LPAR3: variants seen among roughly 807,000 people sequenced by gnomAD.
The protein encoded by LPAR3 is LPA receptor 3.
Under a neutral mutation model 17.8 loss-of-function variants are expected in LPAR3, and 7 were observed. The observed-to-expected ratio is 0.39, with a 90% CI of 0.22 to 0.74. The LOEUF (loss-of-function observed/expected upper bound fraction) is 0.74, where lower values mean the gene tolerates loss of function less well. Among genes scored for constraint, LPAR3 ranks in the 30% least tolerant of loss-of-function variants. LPAR3 has a pLI of 0.40. For synonymous variants in LPAR3, 179 were observed against 179.9 expected, an observed-to-expected ratio of 0.99 and a Z score of 0.04; for missense variants, 391 against 453.4, an observed-to-expected ratio of 0.86 and a Z score of 1.25.
chr1:84,829,297 A>G (rs943981102), intron 2 of LPAR3, among the ~76,000 whole-genome samples: 2 of 151,122 alleles, frequency 1.3e-5, no homozygotes, highest in Non-Finnish European at 2.9e-5. Context: ...ACTTCCATGT[A>G]TAAGGTGCTG....
chr1:84,852,815 G>C (rs1659744791), intron 2 of LPAR3, among the ~76,000 whole-genome samples: 1 of 152,126 alleles, frequency 6.6e-6, no homozygotes, highest in Non-Finnish European at 1.5e-5. Flanking sequence ...GAAGCAAGCA[G>C]GCACATAACA....
At chr1:84,877,156 G>T (rs565537606) in intron 1 of LPAR3, among the ~76,000 whole-genome samples, 14 of 152,336 alleles carry the variant, frequency 9.2e-5, no homozygotes, top group East Asian at 3.9e-4. Context: ...AGAGAAGGAA[G>T]AAATAGACTT....
chr1:84,815,909 T>C (rs867836275), intron 2 of LPAR3, among the ~76,000 whole-genome samples: 56 of 152,228 alleles, frequency 3.7e-4, no homozygotes, highest in African/African-American at 1.2e-3. Context: ...CTCCACCTTG[T>C]ATTATTATTT....
intron 1 of LPAR3, among the ~76,000 whole-genome samples, chr1:84,892,238 TAAATAAATAAATAAATAAATAAAA>T (rs1199226359): frequency 6.8e-6 from 1 of 147,700 alleles, no homozygotes. Flanking sequence ...AATAAATAAA[TAAATAAATAAATAAATAAATAAAA>T]ACTAACCTAC....
At chr1:84,846,691 T>C (rs1335451462) in intron 2 of LPAR3, among the ~76,000 whole-genome samples, 1 of 152,126 alleles carries the variant, frequency 6.6e-6, no homozygotes, top group Non-Finnish European at 1.5e-5. Flanking sequence ...GATCACACCA[T>C]TAAATTGCTT....
At chr1:84,884,083 T>C (rs1660414049) in intron 1 of LPAR3, among the ~76,000 whole-genome samples, 1 of 152,232 alleles carries the variant, frequency 6.6e-6, no homozygotes, top group Non-Finnish European at 1.5e-5. Flanking sequence ...TTGGAAATGT[T>C]ATTACTTCTT....
At chr1:84,851,441 C>T (rs2102759081) in intron 2 of LPAR3, among the ~76,000 whole-genome samples, 1 of 152,174 alleles carries the variant, frequency 6.6e-6, no homozygotes, top group African/African-American at 2.4e-5. Context: ...AGGCACTGTA[C>T]AAGTGAAAAC....
intron 2 of LPAR3, among the ~76,000 whole-genome samples, chr1:84,849,151 C>A (rs1354229748): frequency 6.6e-6 from 1 of 151,744 alleles, no homozygotes; most frequent in African/African-American, 2.4e-5. Flanking sequence ...CTGAGGCGGG[C>A]GGATCACGAG....
chr1:84,839,607 G>A (rs560200352), intron 2 of LPAR3, among the ~76,000 whole-genome samples: 1 of 152,186 alleles, frequency 6.6e-6, no homozygotes, highest in African/African-American at 2.4e-5. Context: ...GTAGTTCAAG[G>A]TTACAGTGAG....
chr1:84,870,158 A>G (rs1462138929), intron 1 of LPAR3, among the ~76,000 whole-genome samples: 1 of 152,240 alleles, frequency 6.6e-6, no homozygotes, highest in Non-Finnish European at 1.5e-5. Flanking sequence ...CAAATTAATC[A>G]GTTACTTCAG....
intron 2 of LPAR3, among the ~76,000 whole-genome samples, chr1:84,857,314 T>C (rs558447874): frequency 4.6e-5 from 7 of 152,324 alleles, no homozygotes; most frequent in Non-Finnish European, 7.3e-5. Context: ...AGGTGCTTTA[T>C]GTGTATTAAC....
At chr1:84,816,542 T>G (rs1396928052) in intron 2 of LPAR3, among the ~76,000 whole-genome samples, 3 of 152,184 alleles carry the variant, frequency 2.0e-5, no homozygotes, top group African/African-American at 7.2e-5. Flanking sequence ...CTCACATCTA[T>G]AATTCCAGCA....
chr1:84,840,147 C>T (rs1008822787), intron 2 of LPAR3, among the ~76,000 whole-genome samples: 2 of 152,198 alleles, frequency 1.3e-5, no homozygotes, highest in Non-Finnish European at 2.9e-5. Context: ...TGGTTTCAAA[C>T]TCCTGGGCTC....
At position 84,817,261 on chromosome 1, in the gene LPAR3, TCACACA is replaced by T. The variant is rs71097861; in HGVS notation, c.737-3096_737-3091del. 3.3e-4 allele frequency among the ~76,000 whole-genome samples: 49 copies of T among 147,446 alleles called. No homozygotes were observed. In the South Asian group the frequency reaches 3.5e-3, roughly 10 times the overall value. On this transcript the variant is annotated intron_variant, in intron 2 of 2. Coordinates refer to ENST00000370611, the MANE Select transcript of LPAR3 (RefSeq NM_012152.3). The stretch of plus-strand genomic sequence containing the variant: ...AGTGATAAATATTTTCCAGGATCTA[TCACACA>T]CACACACACACACACACACACACAC...
At position 84,813,888 on chromosome 1, in the gene LPAR3, A is replaced by G. The variant is rs780223872; in HGVS notation, c.1020T>C (p.Asp340=). 3.0e-5 allele frequency: 49 copies of G among 1,613,962 alleles called. No homozygotes were observed. The South Asian group carries it at 3.8e-4, about 13-fold the overall frequency. ...RSDTGSQYIE[D]SISQGAVCNK... is the part of the protein sequence containing the mutation. ...TGCAGACTGCACCTTGGCTAATACT[A>G]TCCTCTATGTACTGGCTGCCTGTGT... Residue 340 remains aspartate (D), a synonymous_variant, in exon 3 of 3, where the codon GAT becomes GAC. Transcript: ENST00000370611.
rs149151125 is a variant in LPAR3 at position 84,876,827 on chromosome 1, C to T, written c.-18-10689G>A. ...TACACTTTTCCTAATTATAACAACT[C>T]TCAGAGAAAGAAAGGGGAATATATC... is the stretch of plus-strand genomic sequence containing the variant. On this transcript the variant is annotated intron_variant, in intron 1 of 2. Transcript: ENST00000370611. Among the ~76,000 whole-genome samples, 225 of 152,210 alleles carry T rather than the reference C, an allele frequency of 1.5e-3. 1 individual carries two copies. Among genetic ancestry groups the T allele is most frequent in the East Asian group, 0.014 (74 of 5,184 alleles).
intron 2 of LPAR3, among the ~76,000 whole-genome samples, chr1:84,862,941 A>G (rs1036362661): frequency 6.6e-6 from 1 of 152,222 alleles, no homozygotes; most frequent in Non-Finnish European, 1.5e-5. Flanking sequence ...CCTGTAACCC[A>G]GAATTAGAAC....
At position 84,813,158 on chromosome 1, in the gene LPAR3, T is replaced by TATATATATATAGAGAGAGAGAGAGAGAG. The variant is rs1206774677; in HGVS notation, c.*687_*688insCTCTCTCTCTCTCTCTCTATATATATAT. On this transcript the variant is annotated 3_prime_UTR_variant, in exon 3 of 3. Transcript: ENST00000370611. ...ATATATATATATATATATATATATA[T>TATATATATATAGAGAGAGAGAGAGAGAG]AGACACACACACACACACACACACA... 3.0e-5 allele frequency: 3 copies of TATATATATATAGAGAGAGAGAGAGAGAG among 101,678 alleles called. No homozygotes were observed. Among genetic ancestry groups the TATATATATATAGAGAGAGAGAGAGAGAG allele is most frequent in the Non-Finnish European group, 6.3e-5 (3 of 47,326 alleles). The allele number at this position is 101,678 out of a possible 1,614,324, so 6.3% of individuals were successfully genotyped here.
chr1:84,836,006 CTTTTTTTTT>C (rs34491570), intron 2 of LPAR3, among the ~76,000 whole-genome samples: 129 of 61,762 alleles, frequency 2.1e-3, no homozygotes, highest in Admixed American at 5.7e-3. Flanking sequence ...CAACCCCGGC[CTTTTTTTTT>C]TTTTTTTTTT....
Sources: gnomAD v4.1 joint callset for allele counts (sites outside exome capture counted in the v4.1 genomes callset) on GRCh38, gnomAD v4.1.1 for gene constraint, MANE v1.5 for transcripts, NCBI Gene and HGNC (gene_info 2026-07-23, HGNC 2026-07-21) for gene names.